The following NLGN1 variants were observed in gnomAD, a reference collection of about 807,000 sequenced individuals.
NLGN1 encodes neuroligin-1.
NLGN1 carries 12 observed loss-of-function variants against 65.5 expected under a neutral mutation model. That is an observed-to-expected ratio of 0.18 (90% CI 0.12 to 0.30). The LOEUF (loss-of-function observed/expected upper bound fraction) is 0.30. Among genes scored for constraint, NLGN1 ranks in the 10% least tolerant of loss-of-function variants. The probability of loss-of-function intolerance (pLI) is 1.00; values close to 1 mark genes in which losing one functional copy is unlikely to be tolerated. For synonymous variants in NLGN1, 350 were observed against 359.5 expected (o/e 0.97, Z 0.30); for missense variants, 750 against 1,007.1 (o/e 0.74, Z 3.46).
Position 174,243,066 on chromosome 3 carries a change from AATG to A in NLGN1, c.647-32246_647-32244del, listed in dbSNP as rs1398884942. Among the ~76,000 whole-genome samples the A allele has an allele frequency of 2.6e-5, 4 of 152,296 alleles. No individual in the cohort carries two copies. The East Asian group carries it at 7.7e-4, about 29-fold the overall frequency. On this transcript the variant is annotated intron_variant, in intron 4 of 6. Coordinates refer to ENST00000457714, the Ensembl canonical transcript of NLGN1. ...TTCTGAATTTGAAGCAAAGATGAAA[AATG>A]ATATGTTGGAGTTATTCAGTCAGAC...
intron 4 of NLGN1, among the ~76,000 whole-genome samples, chr3:174,215,362 C>G (rs757348642): frequency 6.6e-6 from 1 of 152,136 alleles, no homozygotes; most frequent in Non-Finnish European, 1.5e-5. Flanking sequence ...TGCTGTCTCA[C>G]TGACAAAAAT....
At chr3:173,825,462 A>G (rs949378554) in intron 4 of NLGN1, among the ~76,000 whole-genome samples, 1 of 152,040 alleles carries the variant, frequency 6.6e-6, no homozygotes, top group African/African-American at 2.4e-5. Flanking sequence ...CAGCCTTTGT[A>G]GTGATTAATA....
intron 3 of NLGN1, among the ~76,000 whole-genome samples, chr3:173,617,890 T>G (rs1753368763): frequency 6.6e-6 from 1 of 152,132 alleles, no homozygotes; most frequent in Admixed American, 6.6e-5. Context: ...CAACCCCAAT[T>G]TCCCTCCCCT....
At chr3:174,031,268 G>T (rs959516627) in intron 4 of NLGN1, among the ~76,000 whole-genome samples, 12 of 152,084 alleles carry the variant, frequency 7.9e-5, no homozygotes, top group Non-Finnish European at 5.9e-5. Context: ...TCTGAGCCAG[G>T]CTAACTTTCC....
chr3:174,144,407 T>A (rs1049011436), intron 4 of NLGN1, among the ~76,000 whole-genome samples: 1 of 152,190 alleles, frequency 6.6e-6, no homozygotes, highest in African/African-American at 2.4e-5. Flanking sequence ...GTAGAATGAT[T>A]TATAATCCTT....
At chr3:173,483,078 G>A (rs929158569) in intron 2 of NLGN1, among the ~76,000 whole-genome samples, 4 of 151,858 alleles carry the variant, frequency 2.6e-5, no homozygotes, top group Non-Finnish European at 5.9e-5. Flanking sequence ...TGATTCTGTG[G>A]TACTCATGTT....
At chr3:174,149,017 C>A (rs1723851130) in intron 4 of NLGN1, among the ~76,000 whole-genome samples, 1 of 152,252 alleles carries the variant, frequency 6.6e-6, no homozygotes, top group Non-Finnish European at 1.5e-5. Context: ...ATGTTCTGGT[C>A]ACATCTGATT....
chr3:174,008,436 A>C (rs1026539233), intron 4 of NLGN1, among the ~76,000 whole-genome samples: 6 of 149,312 alleles, frequency 4.0e-5, no homozygotes, highest in African/African-American at 2.5e-5. Context: ...GCAGCTAAAG[A>C]AAACTCCTGA....
chr3:173,628,675 ATATTT>A (rs1433694593), intron 3 of NLGN1, among the ~76,000 whole-genome samples: 2 of 151,644 alleles, frequency 1.3e-5, no homozygotes, highest in Admixed American at 6.6e-5. Flanking sequence ...GCTGGATGTA[ATATTT>A]TATTTTATTT....
chr3:174,255,848 G>A (rs1745652555), intron 4 of NLGN1, among the ~76,000 whole-genome samples: 1 of 151,706 alleles, frequency 6.6e-6, no homozygotes, highest in Non-Finnish European at 1.5e-5. Flanking sequence ...TTATATAGAC[G>A]ATGTTTTGCC....
intron 4 of NLGN1, among the ~76,000 whole-genome samples, chr3:174,237,757 AT>A (rs1450603915): frequency 6.6e-6 from 1 of 152,112 alleles, no homozygotes; most frequent in Non-Finnish European, 1.5e-5. Context: ...GGGTTTCACC[AT>A]TTTGGCCAGG....
At chr3:173,821,190 C>G (rs1174639192) in intron 4 of NLGN1, among the ~76,000 whole-genome samples, 1 of 152,126 alleles carries the variant, frequency 6.6e-6, no homozygotes, top group African/African-American at 2.4e-5. Flanking sequence ...AGGCATATCC[C>G]TGAGATGAAA....
chr3:174,217,913 A>T (rs1450491750), intron 4 of NLGN1, among the ~76,000 whole-genome samples: 1 of 152,084 alleles, frequency 6.6e-6, no homozygotes, highest in East Asian at 1.9e-4. Context: ...GGGATAAAGA[A>T]GACAAACTTC....
At chr3:173,600,464 G>A (rs1322058464) in intron 2 of NLGN1, among the ~76,000 whole-genome samples, 1 of 151,890 alleles carries the variant, frequency 6.6e-6, no homozygotes, top group Admixed American at 6.6e-5. Context: ...GGGACATAAA[G>A]ATATTTTTTA....
intron 3 of NLGN1, among the ~76,000 whole-genome samples, chr3:173,730,687 C>CT (rs552784726): frequency 3.3e-5 from 5 of 151,912 alleles, no homozygotes; most frequent in Non-Finnish European, 5.9e-5. Flanking sequence ...TAATTCATAT[C>CT]TTTTTTTCCT....
intron 3 of NLGN1, among the ~76,000 whole-genome samples, chr3:173,681,631 T>A (rs986362382): frequency 2.0e-5 from 3 of 152,162 alleles, no homozygotes; most frequent in Non-Finnish European, 4.4e-5. Flanking sequence ...GTAAGACATA[T>A]TTTTGGCCCT....
chr3:173,497,724 A>G (rs1239818587), intron 2 of NLGN1, among the ~76,000 whole-genome samples: 2 of 151,712 alleles, frequency 1.3e-5, no homozygotes, highest in Non-Finnish European at 1.5e-5. Context: ...ATTAAAATTC[A>G]GTCATAAGAA....
At chr3:173,548,259 A>G (rs1194521644) in intron 2 of NLGN1, among the ~76,000 whole-genome samples, 1 of 152,138 alleles carries the variant, frequency 6.6e-6, no homozygotes, top group Non-Finnish European at 1.5e-5. Context: ...CTTCTCTAAA[A>G]TTAATTTCTG....
intron 4 of NLGN1, among the ~76,000 whole-genome samples, chr3:173,952,946 T>C (rs1213598463): frequency 6.6e-6 from 1 of 152,100 alleles, no homozygotes; most frequent in Admixed American, 6.6e-5. Context: ...ACCAGGCTAA[T>C]TTTTGTATCT....
Sources: gnomAD v4.1 joint callset for allele counts (sites outside exome capture counted in the v4.1 genomes callset) on GRCh38, gnomAD v4.1.1 for gene constraint, MANE v1.5 for transcripts, NCBI Gene and HGNC (gene_info 2026-07-23, HGNC 2026-07-21) for gene names.